LOC112694756: variants seen among roughly 807,000 people sequenced by gnomAD.
the LOC112694756 span, chr16:30,054,942 C>T: frequency 3.8e-5 from 15 of 398,826 alleles, no homozygotes; most frequent in African/African-American, 2.1e-4. Context: ...GGGGTCTGGT[C>T]GGGGATAAAG....
the LOC112694756 span, among the ~76,000 whole-genome samples, chr16:30,060,888 C>T: frequency 6.6e-6 from 1 of 152,258 alleles, no homozygotes; most frequent in Non-Finnish European, 1.5e-5. Context: ...CCTGTCCCTG[C>T]AGGTGGCAGG....
the LOC112694756 span, chr16:30,069,630 G>A: frequency 5.0e-6 from 8 of 1,613,890 alleles, no homozygotes; most frequent in Middle Eastern, 1.6e-4. Context: ...TTGCCATGGC[G>A]ACCGTCACAG....
At chr16:30,058,076 TG>T in the LOC112694756 span, among the ~76,000 whole-genome samples, 1 of 152,152 alleles carries the variant, frequency 6.6e-6, no homozygotes, top group Non-Finnish European at 1.5e-5. Flanking sequence ...ATCACCTCCT[TG>T]GGAGAGAGGA....
the LOC112694756 span, chr16:30,068,391 T>G: frequency 1.9e-5 from 10 of 537,548 alleles, no homozygotes; most frequent in Non-Finnish European, 3.0e-5. Flanking sequence ...TAATTGTAAC[T>G]AAGTGAAAAT....
At chr16:30,070,143 G>A in the LOC112694756 span, 2 of 1,614,130 alleles carry the variant, frequency 1.2e-6, no homozygotes, top group South Asian at 2.2e-5. Flanking sequence ...GTCAAGGAAA[G>A]TACACTCCGA....
At chr16:30,063,127 T>TGA in the LOC112694756 span, among the ~76,000 whole-genome samples, 1 of 148,624 alleles carries the variant, frequency 6.7e-6, no homozygotes. Flanking sequence ...GGCAACAGAG[T>TGA]GAGACCCTGT....
the LOC112694756 span, chr16:30,069,788 G>T: frequency 6.2e-7 from 1 of 1,613,460 alleles, no homozygotes; most frequent in South Asian, 1.1e-5. Context: ...AGCTTCCTGG[G>T]TCTCTGACCA....
the LOC112694756 span, chr16:30,068,527 C>G: frequency 5.1e-6 from 6 of 1,172,442 alleles, 1 homozygote; most frequent in African/African-American, 7.6e-5. Context: ...CACTTGAGTC[C>G]AGGAAGTGGA....
chr16:30,066,862 C>G, the LOC112694756 span: 2 of 1,544,712 alleles, frequency 1.3e-6, no homozygotes, highest in Non-Finnish European at 8.7e-7. Context: ...TTCTAAAATA[C>G]TCCGGTTCGG....
the LOC112694756 span, chr16:30,063,729 G>C: frequency 2.5e-6 from 1 of 399,432 alleles, no homozygotes; most frequent in Admixed American, 4.4e-5. Flanking sequence ...CCTCCCTCAG[G>C]ACTGGGCACC....
chr16:30,068,996 C>CA, the LOC112694756 span: 1 of 1,614,078 alleles, frequency 6.2e-7, no homozygotes, highest in Non-Finnish European at 8.5e-7. Context: ...TGCAGGTCCT[C>CA]AATAGGCAAC....
At chr16:30,066,756 C>A in the LOC112694756 span, 1 of 1,022,504 alleles carries the variant, frequency 9.8e-7, no homozygotes, top group Non-Finnish European at 1.4e-6. Context: ...GATCTGGCTC[C>A]GGGGTTGCTG....
the LOC112694756 span, chr16:30,067,621 C>T: frequency 3.7e-6 from 6 of 1,614,138 alleles, no homozygotes; most frequent in Middle Eastern, 1.6e-4. Context: ...CGTCCCTTCC[C>T]CCAAGTTATC....
chr16:30,058,690 G>A, the LOC112694756 span, among the ~76,000 whole-genome samples: 2 of 151,880 alleles, frequency 1.3e-5, no homozygotes, highest in Non-Finnish European at 2.9e-5. Flanking sequence ...TTTCGTGTTA[G>A]CCAGGATGGT....
the LOC112694756 span, chr16:30,069,221 A>G: frequency 6.7e-7 from 1 of 1,483,498 alleles, no homozygotes; most frequent in East Asian, 2.3e-5. Context: ...TCATCAAGAT[A>G]CGGTCTTGAC....
the LOC112694756 span, among the ~76,000 whole-genome samples, chr16:30,063,211 A>C: frequency 1.3e-5 from 2 of 152,182 alleles, no homozygotes; most frequent in African/African-American, 4.8e-5. Flanking sequence ...TTTTAAAATC[A>C]TTCATGAATG....
At chr16:30,059,534 C>CT in the LOC112694756 span, among the ~76,000 whole-genome samples, 2,826 of 141,124 alleles carry the variant, frequency 0.02, 35 homozygotes, top group East Asian at 0.033. Context: ...ATCTCTCTTT[C>CT]TTTTTTTTTT....
chr16:30,066,232 G>C, the LOC112694756 span: 1 of 152,342 alleles, frequency 6.6e-6, no homozygotes. Context: ...GGGATCCTAA[G>C]AGGCAGTGAG....
chr16:30,067,542 C>T, the LOC112694756 span: 14 of 1,613,734 alleles, frequency 8.7e-6, no homozygotes, highest in South Asian at 4.4e-5. Flanking sequence ...AGCTGACGAC[C>T]GCGTGAACCC....
Sources: gnomAD v4.1 joint callset for allele counts (sites outside exome capture counted in the v4.1 genomes callset) on GRCh38, gnomAD v4.1.1 for gene constraint, MANE v1.5 for transcripts.